PTPN4: variants seen among roughly 807,000 people sequenced by gnomAD.
PTPN4 encodes tyrosine-protein phosphatase non-receptor type 4.
PTPN4 carries 49 observed loss-of-function variants against 135.5 expected under a neutral mutation model. The observed-to-expected ratio is 0.36, with a 90% CI of 0.29 to 0.46. The LOEUF (loss-of-function observed/expected upper bound fraction) is 0.46, where lower values mean the gene tolerates loss of function less well. Ranked by LOEUF, PTPN4 falls within the 20% of genes least tolerant of loss-of-function variation. The pLI, the probability that PTPN4 is intolerant of heterozygous loss-of-function variation, is 1.00. For synonymous variants in PTPN4, 333 were observed against 369.9 expected (o/e 0.90, Z 1.14); for missense variants, 860 against 1,101.0 (o/e 0.78, Z 3.10).
At chr2:119,856,160 G>A (rs747046378) in intron 2 of PTPN4, among the ~76,000 whole-genome samples, 7 of 152,022 alleles carry the variant, frequency 4.6e-5, no homozygotes, top group Non-Finnish European at 8.8e-5. Flanking sequence ...CACTCCCATC[G>A]GGACTTTCAA....
At chr2:119,868,529 G>C (rs933615099) in intron 3 of PTPN4, among the ~76,000 whole-genome samples, 1 of 152,180 alleles carries the variant, frequency 6.6e-6, no homozygotes, top group Non-Finnish European at 1.5e-5. Context: ...CTGCAGCACT[G>C]TGACATGTTC....
At chr2:119,974,340 T>G (rs1445648202) in intron 26 of PTPN4, among the ~76,000 whole-genome samples, 1 of 152,154 alleles carries the variant, frequency 6.6e-6, no homozygotes, top group Non-Finnish European at 1.5e-5. Flanking sequence ...GCCTCCCAAG[T>G]AGCTGGGATT....
intron 1 of PTPN4, among the ~76,000 whole-genome samples, chr2:119,770,943 A>G (rs1690722226): frequency 6.7e-6 from 1 of 148,448 alleles, no homozygotes; most frequent in South Asian, 2.1e-4. Context: ...GCAGTGGCGC[A>G]GTCTCTGCTC....
At position 119,962,636 on chromosome 2, in the gene PTPN4, GC is replaced by G; in HGVS notation, c.2303del (p.Pro768GlnfsTer30). On this transcript the variant is annotated frameshift_variant, in exon 24 of 27. Coordinates refer to ENST00000263708, the MANE Select transcript of PTPN4 (RefSeq NM_002830.4). LOFTEE classifies it high-confidence loss of function. Reference protein sequence around the residue: ...RGRVKCHQYWPEPTGSSSYGC... With the variant: ...RGRVKCHQYWXEPTGSSSYGC... ...ATCAGGTTAAATGTCACCAATATTGGCCAGAACCCACAGGCAGTTCATCTTA... is the reference window on the plus strand; with the variant it reads ...ATCAGGTTAAATGTCACCAATATTGGCAGAACCCACAGGCAGTTCATCTTA... 1 of 1,547,880 alleles carries G rather than the reference GC, an allele frequency of 6.5e-7. No individual in the cohort carries two copies. The highest frequency in any genetic ancestry group is 8.8e-7 in the Non-Finnish European group (1 of 1,137,444).
chr2:119,885,928 T>A, intron 9 of PTPN4, 46 bp downstream of exon 9: 2 of 1,276,072 alleles, frequency 1.6e-6, no homozygotes, highest in Non-Finnish European at 2.2e-6. Flanking sequence ...TAGGCTCCGT[T>A]ACTCAATATA....
intron 10 of PTPN4, among the ~76,000 whole-genome samples, chr2:119,908,941 C>T (rs1396106350): frequency 6.6e-6 from 1 of 152,104 alleles, no homozygotes; most frequent in Non-Finnish European, 1.5e-5. Context: ...CCACAGCATT[C>T]CCTTAAGCTT....
At chr2:119,840,289 A>G (rs1677360611) in intron 2 of PTPN4, among the ~76,000 whole-genome samples, 1 of 152,110 alleles carries the variant, frequency 6.6e-6, no homozygotes, top group Non-Finnish European at 1.5e-5. Context: ...CAGGTCTCAC[A>G]GGTGTTGTTC....
At chr2:119,968,410 A>T (rs1183854197) in intron 26 of PTPN4, among the ~76,000 whole-genome samples, 10 of 152,242 alleles carry the variant, frequency 6.6e-5, no homozygotes, top group Admixed American at 6.5e-4. Flanking sequence ...TGAGAATGAT[A>T]GTATCCCTGA....
intron 2 of PTPN4, among the ~76,000 whole-genome samples, chr2:119,857,033 A>G (rs1272488398): frequency 6.6e-6 from 1 of 152,094 alleles, no homozygotes; most frequent in Non-Finnish European, 1.5e-5. Context: ...TCAGTTACTT[A>G]TCTTTTGTGA....
intron 11 of PTPN4, among the ~76,000 whole-genome samples, chr2:119,917,120 T>C (rs1678665108): frequency 6.6e-6 from 1 of 152,202 alleles, no homozygotes. Context: ...ATCATAATAC[T>C]AGTGTTATTA....
intron 5 of PTPN4, among the ~76,000 whole-genome samples, chr2:119,879,466 T>G (rs1054826663): frequency 1.3e-5 from 2 of 152,212 alleles, no homozygotes; most frequent in Non-Finnish European, 2.9e-5. Context: ...TTTTTGTAAA[T>G]TTTACTACCA....
At chr2:119,896,873 T>A (rs1678331673) in intron 9 of PTPN4, among the ~76,000 whole-genome samples, 1 of 152,174 alleles carries the variant, frequency 6.6e-6, no homozygotes, top group Non-Finnish European at 1.5e-5. Context: ...TTATTAAAGC[T>A]CAAATTAGCC....
At chr2:119,920,788 A>G (rs1678725709) in intron 12 of PTPN4, among the ~76,000 whole-genome samples, 1 of 152,182 alleles carries the variant, frequency 6.6e-6, no homozygotes, top group African/African-American at 2.4e-5. Context: ...GACGGCAACA[A>G]ATCTTTGGGG....
chr2:119,870,986 G>A lies in PTPN4; in HGVS notation c.247-6337G>A, dbSNP rs148576125. ...CTGGAGGGAAATACTTGCAACATAT[G>A]TAACATAATATTAAAATCTAGAAGA... On this transcript the variant is annotated intron_variant, in intron 3 of 26. Transcript: ENST00000263708. Among the ~76,000 whole-genome samples, 5 of 151,786 alleles carry A rather than the reference G, an allele frequency of 3.3e-5. No homozygotes were observed. In the East Asian group the frequency reaches 9.7e-4, roughly 29 times the overall value.
At chr2:119,787,657 G>A (rs1333379208) in intron 1 of PTPN4, among the ~76,000 whole-genome samples, 1 of 152,168 alleles carries the variant, frequency 6.6e-6, no homozygotes, top group Non-Finnish European at 1.5e-5. Flanking sequence ...TTAAGGTATG[G>A]TAGAATGATT....
intron 19 of PTPN4, 100 bp downstream of exon 19, chr2:119,952,229 A>G (rs1456029525): frequency 8.7e-7 from 1 of 1,149,038 alleles, no homozygotes; most frequent in Non-Finnish European, 1.2e-6. Flanking sequence ...AAGTCACCTA[A>G]GTTTCCTGCT....
intron 1 of PTPN4, among the ~76,000 whole-genome samples, chr2:119,777,821 A>AT (rs796618047): frequency 1.4e-3 from 202 of 147,924 alleles, no homozygotes; most frequent in African/African-American, 4.6e-3. Context: ...TGCCCAGCTA[A>AT]TTTTTTTTTT....
At chr2:119,976,744 G>T (rs925559887) in intron 26 of PTPN4, among the ~76,000 whole-genome samples, 1 of 152,162 alleles carries the variant, frequency 6.6e-6, no homozygotes, top group African/African-American at 2.4e-5. Flanking sequence ...CCTTTATAGA[G>T]GCTGCAGTAT....
At chr2:119,959,321 C>T (rs1679331709) in intron 22 of PTPN4, among the ~76,000 whole-genome samples, 1 of 151,692 alleles carries the variant, frequency 6.6e-6, no homozygotes, top group African/African-American at 2.4e-5. Flanking sequence ...AAAATACGTG[C>T]AGTTTACAAA....
Sources: allele counts gnomAD v4.1 joint callset (sites outside exome capture counted in the v4.1 genomes callset), GRCh38; gene constraint gnomAD v4.1.1; transcripts MANE v1.5; gene names NCBI Gene and HGNC (gene_info 2026-07-23, HGNC 2026-07-21).